Variants in ZBTB24 observed in about 807,000 individuals in gnomAD.
ZBTB24 encodes zinc finger and BTB domain containing 24, also known as zinc finger and BTB domain-containing protein 24.
In ZBTB24, 32 loss-of-function variants were observed where a neutral mutation model predicts 53.8. The observed-to-expected ratio is 0.60, with a 90% CI of 0.45 to 0.80. ZBTB24 has a LOEUF of 0.80. ZBTB24 is among the 30% of genes least tolerant of loss of function. ZBTB24 has a pLI of 0.00. For missense variants in ZBTB24, 722 were observed against 837.1 expected (o/e 0.86, Z 1.70); for synonymous variants, 297 against 306.7 (o/e 0.97, Z 0.33).
intron 5 of ZBTB24, among the ~76,000 whole-genome samples, chr6:109,472,603 A>T (rs2115358331): frequency 6.6e-6 from 1 of 152,170 alleles, no homozygotes; most frequent in South Asian, 2.1e-4. Flanking sequence ...CTCCCTAGGG[A>T]ACTCAGCACA....
At chr6:109,476,374 G>C (rs543065873) in intron 3 of ZBTB24, 116 bp from the exon 4 acceptor site, 69 of 1,035,302 alleles carry the variant, frequency 6.7e-5, no homozygotes, top group Admixed American at 4.0e-4. Context: ...AATGATACAA[G>C]CGACTTGTTT....
At chr6:109,478,884 A>T (rs1042657697) in intron 2 of ZBTB24, among the ~76,000 whole-genome samples, 8 of 152,100 alleles carry the variant, frequency 5.3e-5, no homozygotes, top group Admixed American at 5.2e-4. Context: ...TATCATTAAC[A>T]TGCTCATAGA....
chr6:109,480,116 T>C (rs1317424357), intron 2 of ZBTB24, among the ~76,000 whole-genome samples: 1 of 152,122 alleles, frequency 6.6e-6, no homozygotes, highest in East Asian at 1.9e-4. Context: ...GTCTAGGCAC[T>C]GGTAGTTTTA....
chr6:109,479,078 TAGAGAGAAC>T (rs1562303702), intron 2 of ZBTB24, among the ~76,000 whole-genome samples: 1 of 151,912 alleles, frequency 6.6e-6, no homozygotes, highest in African/African-American at 2.4e-5. Context: ...AAAATAAAGT[TAGAGAGAAC>T]AGAGAAAACA....
chr6:109,481,302 T>G lies in ZBTB24; in HGVS notation c.725A>C (p.Lys242Thr). The change falls in exon 2 of 7, where the codon AAG (lysine) becomes ACG (threonine). Residue 242 changes from lysine (K) to threonine (T), a missense_variant. Physicochemically the swap from Lys to Thr is moderately conservative, Grantham distance 78. Coordinates refer to ENST00000230122, the MANE Select transcript of ZBTB24 (RefSeq NM_014797.3). Reference sequence around the variant, plus strand: ...CTGGCTTGCCTGGCCATCCTCGGTCTTGGGATCATAGTTCTCATCTTTTTC... The same window carrying G: ...CTGGCTTGCCTGGCCATCCTCGGTCGTGGGATCATAGTTCTCATCTTTTTC... Reference protein sequence around the residue: ...PVEKDENYDPKTEDGQASQSR... With the variant: ...PVEKDENYDPTTEDGQASQSR... 6.2e-7 allele frequency: 1 copy of G among 1,614,224 alleles called. No individual in the cohort carries two copies. The highest frequency in any genetic ancestry group is 8.5e-7 in the Non-Finnish European group (1 of 1,180,036).
rs746455372 is a variant in ZBTB24 at position 109,476,246 on chromosome 6, A to G, written c.1133T>C (p.Phe378Ser). The change falls in exon 4 of 7, where the codon TTT becomes TCT. Residue 378 changes from phenylalanine to serine, a missense_variant. Coordinates refer to ENST00000230122, the MANE Select transcript of ZBTB24 (RefSeq NM_014797.3). Reference sequence around the variant, plus strand: ...ATATTTTCCGCATTGATCACAGGTAAAAGACTTCTGTCCTGCCAAAAAAAC... The same window carrying G: ...ATATTTTCCGCATTGATCACAGGTAGAAGACTTCTGTCCTGCCAAAAAAAC... ...HMSLHSGQKS[F>S]TCDQCGKYFS... 1.2e-6 allele frequency: 2 copies of G among 1,614,170 alleles called. No individual in the cohort carries two copies. The highest frequency in any genetic ancestry group is 1.7e-6 in the Non-Finnish European group (2 of 1,180,022).
Position 109,482,007 on chromosome 6 carries a change from T to C in ZBTB24, c.20A>G (p.Glu7Gly). Residue 7 changes from glutamate to glycine, a missense_variant, in exon 2 of 7, where the codon GAG becomes GGG. By Grantham distance (98) the Glu-to-Gly change is moderately conservative. Coordinates refer to ENST00000230122, the MANE Select transcript of ZBTB24 (RefSeq NM_014797.3). MAETSPEPSGQLVVHSD... is the reference protein window; with the variant it reads MAETSPGPSGQLVVHSD... ...GTGTACAACAAGCTGCCCAGAAGGCTCTGGCGATGTTTCTGCCATTTTCTT... is the reference window on the plus strand; with the variant it reads ...GTGTACAACAAGCTGCCCAGAAGGCCCTGGCGATGTTTCTGCCATTTTCTT... 6.2e-7 allele frequency: 1 copy of C among 1,614,210 alleles called. No homozygotes were observed. The highest frequency in any genetic ancestry group is 8.5e-7 in the Non-Finnish European group (1 of 1,180,036).
intron 5 of ZBTB24, among the ~76,000 whole-genome samples, chr6:109,473,901 A>G (rs975239879): frequency 1.3e-5 from 2 of 151,806 alleles, no homozygotes; most frequent in African/African-American, 4.8e-5. Flanking sequence ...CCTGGCTAAC[A>G]TGCCAAAACC....
In ZBTB24 at chr6:109,481,629, CTA is replaced by C. The variant is rs1562305058; in HGVS notation, c.396_397del (p.His132GlnfsTer20). Reference sequence around the variant, plus strand: ...GTTCAAAGTTGTTGGCTTTGGGGAGCTATGATTATTTTGGAAGTCTGTGTAAG... The same window carrying C: ...GTTCAAAGTTGTTGGCTTTGGGGAGCTGATTATTTTGGAAGTCTGTGTAAG... On this transcript the variant is annotated frameshift_variant, in exon 2 of 7. Coordinates refer to ENST00000230122, the MANE Select transcript of ZBTB24 (RefSeq NM_014797.3). LOFTEE classifies it high-confidence loss of function. 8 of 1,614,166 alleles carry C rather than the reference CTA, an allele frequency of 5.0e-6. No homozygotes were observed. The highest frequency in any genetic ancestry group is 2.2e-5 in the East Asian group (1 of 44,890).
In ZBTB24 at chr6:109,465,705, G is replaced by A. The variant is rs748193818; in HGVS notation, c.*146C>T. ...ACACATCTTGCTACCTGGATGGAGG[G>A]CATTATAAACATCAGTTAGCCATCA... On this transcript the variant is annotated 3_prime_UTR_variant, in exon 7 of 7. Coordinates refer to ENST00000230122, the MANE Select transcript of ZBTB24 (RefSeq NM_014797.3). 100 of 1,604,752 alleles carry A rather than the reference G, an allele frequency of 6.2e-5. No homozygotes were observed. Among genetic ancestry groups the A allele is most frequent in the Non-Finnish European group, 8.3e-5 (98 of 1,179,296 alleles).
chr6:109,477,140 T>G (rs1053598554), intron 2 of ZBTB24, among the ~76,000 whole-genome samples: 1 of 152,146 alleles, frequency 6.6e-6, no homozygotes, highest in Non-Finnish European at 1.5e-5. Flanking sequence ...AACCTAATTT[T>G]TTGTTTTTCC....
intron 2 of ZBTB24, among the ~76,000 whole-genome samples, chr6:109,478,517 G>A (rs1776326698): frequency 6.6e-6 from 1 of 152,070 alleles, no homozygotes; most frequent in South Asian, 2.1e-4. Context: ...TGGGAACAAG[G>A]TCACAGTTTT....
intron 5 of ZBTB24, among the ~76,000 whole-genome samples, chr6:109,468,399 A>G (rs1287870409): frequency 6.6e-6 from 1 of 151,978 alleles, no homozygotes; most frequent in Non-Finnish European, 1.5e-5. Flanking sequence ...ACAAGCGATC[A>G]TAGATCTGTA....
In ZBTB24 at chr6:109,463,648, C is replaced by T. The variant is rs944345371; in HGVS notation, c.*2203G>A. On this transcript the variant is annotated 3_prime_UTR_variant, in exon 7 of 7. Transcript: ENST00000230122. ...CTGTAAGTTGTATGAAATCTAAATACAGATCAAGTATGTCCAATGAACATT... is the reference window on the plus strand; with the variant it reads ...CTGTAAGTTGTATGAAATCTAAATATAGATCAAGTATGTCCAATGAACATT... 2.0e-5 allele frequency: 3 copies of T among 152,192 alleles called. No homozygotes were observed. The South Asian group carries it at 6.2e-4, about 32-fold the overall frequency. 9.4% of individuals were successfully genotyped at this position (152,192 alleles called of 1,614,324 possible). A position where few individuals can be genotyped will look rare whatever the true frequency, so the allele number is the denominator to read the frequency against.
In ZBTB24 at chr6:109,467,654, G is replaced by A. The variant is rs387907106; in HGVS notation, c.1369C>T (p.Arg457Ter). ...SSLQTHIRIHRGEKPYSCGIC... is the reference protein window; with the variant it reads ...SSLQTHIRIH ...AGAAAAATATCTGCAAAACTTTACC[G>A]ATGGATTCTGATGTGGGTCTGAAGA... Residue 457 changes from arginine to a stop codon, truncating the protein, a stop_gained and splice_region_variant, in exon 6 of 7, where the codon CGA (arginine) becomes TGA (stop). Transcript: ENST00000230122. LOFTEE classifies it high-confidence loss of function. The A allele has an allele frequency of 5.6e-6, 9 of 1,614,034 alleles. No individual in the cohort carries two copies. Among genetic ancestry groups the A allele is most frequent in the East Asian group, 4.5e-5 (2 of 44,884 alleles).
In ZBTB24 at chr6:109,465,269, A is replaced by C; in HGVS notation, c.*582T>G. 1 of 180,566 alleles carries C rather than the reference A, an allele frequency of 5.5e-6. No homozygotes were observed. Among genetic ancestry groups the C allele is most frequent in the South Asian group, 1.5e-4 (1 of 6,708 alleles). The allele number at this position is 180,566 out of a possible 1,614,324, so 11.2% of individuals were successfully genotyped here. ...TGAATCTTTCTGAAGTGTTAACACA[A>C]TAAGCCCACTGTACTGCATAAAGAT... On this transcript the variant is annotated 3_prime_UTR_variant, in exon 7 of 7. Transcript: ENST00000230122.
chr6:109,466,280 G>T lies in ZBTB24; in HGVS notation c.1665C>A (p.Leu555=). The change falls in exon 7 of 7, where the codon CTC becomes CTA. Residue 555 remains leucine, a synonymous_variant. Coordinates refer to ENST00000230122, the MANE Select transcript of ZBTB24 (RefSeq NM_014797.3). ...STSGEQEIQL[L]VTDSVHNINF... is the part of the protein sequence containing the mutation. The stretch of plus-strand genomic sequence containing the variant: ...TGATGTTATGTACAGAATCGGTTAC[G>T]AGAAGCTGAATTTCCTGCTCTCCCG... The T allele has an allele frequency of 6.2e-7, 1 of 1,614,192 alleles. No homozygotes were observed. Among genetic ancestry groups the T allele is most frequent in the Non-Finnish European group, 8.5e-7 (1 of 1,180,044 alleles).
chr6:109,475,361 T>C (rs777748099), intron 5 of ZBTB24, 38 bp downstream of exon 5: 1 of 1,612,442 alleles, frequency 6.2e-7, no homozygotes, highest in East Asian at 2.2e-5. Context: ...CCTGAAAACA[T>C]CCCGTGTACT....
intron 5 of ZBTB24, among the ~76,000 whole-genome samples, chr6:109,472,607 C>G (rs1354968083): frequency 6.6e-6 from 1 of 152,154 alleles, no homozygotes; most frequent in African/African-American, 2.4e-5. Context: ...CTAGGGAACT[C>G]AGCACAGCGC....
Sources: allele counts gnomAD v4.1 joint callset (sites outside exome capture counted in the v4.1 genomes callset), GRCh38; gene constraint gnomAD v4.1.1; transcripts MANE v1.5; gene names NCBI Gene and HGNC (gene_info 2026-07-23, HGNC 2026-07-21).